The following BRD10 variants were observed in gnomAD, a reference collection of about 807,000 sequenced individuals.
BRD10 encodes the protein uncharacterized bromodomain-containing protein 10.
chr9:5,897,452 T>A, the BRD10 span: 1 of 1,024,028 alleles, frequency 9.8e-7, no homozygotes, highest in Non-Finnish European at 1.5e-6. Flanking sequence ...GAGATGCTGC[T>A]CTGGGTCGTC....
the BRD10 span, among the ~76,000 whole-genome samples, chr9:6,000,594 A>G: frequency 6.6e-6 from 1 of 152,214 alleles, no homozygotes; most frequent in African/African-American, 2.4e-5. Flanking sequence ...AGAATCTGTT[A>G]GGACATTTTT....
chr9:5,964,510 G>T, the BRD10 span, among the ~76,000 whole-genome samples: 1 of 139,278 alleles, frequency 7.2e-6, no homozygotes, highest in Non-Finnish European at 1.6e-5. Context: ...ATTCCTCAGG[G>T]ATCTAGAACT....
the BRD10 span, among the ~76,000 whole-genome samples, chr9:5,964,794 A>T: frequency 1.2e-3 from 125 of 103,326 alleles, no homozygotes; most frequent in Admixed American, 1.5e-3. Context: ...TTCTCAGTAA[A>T]CTATCGCAAG....
At chr9:5,921,309 AATTT>A in the BRD10 span, 1 of 1,613,880 alleles carries the variant, frequency 6.2e-7, no homozygotes, top group Non-Finnish European at 8.5e-7. Flanking sequence ...GCTGGTGATG[AATTT>A]ATTTTTATTG....
chr9:5,879,519 T>C, the BRD10 span, among the ~76,000 whole-genome samples: 15 of 152,306 alleles, frequency 9.8e-5, no homozygotes, highest in South Asian at 2.1e-4. Flanking sequence ...GGTTGACCCA[T>C]GATCAACCCA....
the BRD10 span, among the ~76,000 whole-genome samples, chr9:5,895,354 G>C: frequency 7.9e-5 from 12 of 151,906 alleles, no homozygotes; most frequent in African/African-American, 2.7e-4. Context: ...TAAATAGGTG[G>C]GATGGAGGTA....
chr9:5,978,371 C>G, the BRD10 span, among the ~76,000 whole-genome samples: 1 of 144,052 alleles, frequency 6.9e-6, no homozygotes, highest in Non-Finnish European at 1.5e-5. Context: ...GGACCTCACT[C>G]TCAAAGACAT....
chr9:5,887,753 G>A, the BRD10 span, among the ~76,000 whole-genome samples: 3 of 152,282 alleles, frequency 2.0e-5, no homozygotes, highest in South Asian at 6.2e-4. Context: ...CCTCCACTCT[G>A]GGAACTCAGT....
chr9:5,940,939 C>T, the BRD10 span, among the ~76,000 whole-genome samples: 13 of 152,144 alleles, frequency 8.5e-5, no homozygotes, highest in Non-Finnish European at 1.5e-4. Flanking sequence ...TTTATCATCA[C>T]ATAACCCAGA....
chr9:5,894,462 C>G, the BRD10 span, among the ~76,000 whole-genome samples: 6 of 152,266 alleles, frequency 3.9e-5, no homozygotes, highest in East Asian at 1.2e-3. The surrounding 1 kb of genome is among the most constrained non-coding windows in gnomAD (Gnocchi z 4.0). Flanking sequence ...GTGAGGCCAT[C>G]AGGACCTAGA....
the BRD10 span, among the ~76,000 whole-genome samples, chr9:5,972,938 T>C: frequency 3.9e-5 from 6 of 151,986 alleles, no homozygotes; most frequent in Non-Finnish European, 5.9e-5. Context: ...CTCAAAAATA[T>C]AGACAAAAAG....
the BRD10 span, chr9:5,924,633 C>G: frequency 7.1e-7 from 1 of 1,416,708 alleles, no homozygotes; most frequent in African/African-American, 1.4e-5. Context: ...TCAGTGTTGA[C>G]TTAAAAAAAA....
chr9:5,937,323 G>A, the BRD10 span, among the ~76,000 whole-genome samples: 1 of 151,630 alleles, frequency 6.6e-6, no homozygotes, highest in Non-Finnish European at 1.5e-5. Flanking sequence ...GATCACCTGA[G>A]GTCAGGGGTT....
At chr9:5,919,620 GAA>G in the BRD10 span, 3 of 1,411,762 alleles carry the variant, frequency 2.1e-6, no homozygotes, top group Non-Finnish European at 2.8e-6. Context: ...AATAAACATT[GAA>G]AATTTTTATG....
At chr9:5,988,532 T>C in the BRD10 span, 1 of 1,613,536 alleles carries the variant, frequency 6.2e-7, no homozygotes, top group Non-Finnish European at 8.5e-7. Context: ...ATCGTTGTCT[T>C]TTCTCTCAAG....
the BRD10 span, among the ~76,000 whole-genome samples, chr9:5,951,307 T>C: frequency 1.5e-3 from 206 of 138,706 alleles, no homozygotes; most frequent in African/African-American, 5.3e-3. Context: ...GTCAAAACAT[T>C]TTTAAAAACT....
At chr9:5,884,106 A>T in the BRD10 span, among the ~76,000 whole-genome samples, 3 of 152,244 alleles carry the variant, frequency 2.0e-5, no homozygotes, top group South Asian at 6.2e-4. Flanking sequence ...CATATCACCA[A>T]TCCAGAGCCC....
the BRD10 span, among the ~76,000 whole-genome samples, chr9:5,961,996 T>A: frequency 6.6e-6 from 1 of 152,170 alleles, no homozygotes; most frequent in Non-Finnish European, 1.5e-5. Context: ...TGTTCTGATT[T>A]TAGTTATTTC....
At chr9:5,998,020 G>T in the BRD10 span, among the ~76,000 whole-genome samples, 1 of 152,192 alleles carries the variant, frequency 6.6e-6, no homozygotes, top group Non-Finnish European at 1.5e-5. Flanking sequence ...TACTTTAGAA[G>T]TAGGAAGAAT....
Sources: allele counts gnomAD v4.1 joint callset (sites outside exome capture counted in the v4.1 genomes callset), GRCh38; gene constraint gnomAD v4.1.1; non-coding constraint Gnocchi (gnomAD v3.1); transcripts MANE v1.5; gene names NCBI Gene and HGNC (gene_info 2026-07-23, HGNC 2026-07-21).